KLK2: variants seen among roughly 807,000 people sequenced by gnomAD.
The protein encoded by KLK2 is kallikrein related peptidase 2.
KLK2 carries 17 observed loss-of-function variants against 23.0 expected under a neutral mutation model. The observed-to-expected ratio is 0.74, with a 90% CI of 0.51 to 1.11. KLK2 has a LOEUF of 1.11. Among genes scored for constraint, KLK2 ranks in the 50% least tolerant of loss-of-function variants. The pLI, the probability that KLK2 is intolerant of heterozygous loss-of-function variation, is 0.00. For synonymous variants in KLK2, 140 were observed against 124.7 expected (o/e 1.12, Z -0.82); for missense variants, 330 against 325.9 (o/e 1.01, Z -0.10).
chr19:50,878,006 T>C (rs2090306685), intron 4 of KLK2, among the ~76,000 whole-genome samples: 1 of 152,118 alleles, frequency 6.6e-6, no homozygotes, highest in South Asian at 2.1e-4. Context: ...CCCACGGCCC[T>C]CCATGGCTCC....
Position 50,878,729 on chromosome 19 carries a change from A to C in KLK2, c.*170A>C. 1.7e-6 allele frequency: 1 copy of C among 587,502 alleles called. No homozygotes were observed. The highest frequency in any genetic ancestry group is 3.0e-6 in the Non-Finnish European group (1 of 331,910). 36.4% of individuals were successfully genotyped at this position (587,502 alleles called of 1,614,324 possible). ...TTCTGGTGTGGAGTCCAGGGCTGCT[A>C]GGAAAAGGAATGGGCAGACACAGGT... is the stretch of plus-strand genomic sequence containing the variant. On this transcript the variant is annotated 3_prime_UTR_variant, in exon 5 of 5. Coordinates refer to ENST00000325321, the MANE Select transcript of KLK2 (RefSeq NM_005551.5).
At position 50,876,592 on chromosome 19, in the gene KLK2, A is replaced by G. The variant is rs1281418915; in HGVS notation, c.327A>G (p.Gln109=). 6.2e-7 allele frequency: 1 copy of G among 1,614,174 alleles called. No homozygotes were observed. Among genetic ancestry groups the G allele is most frequent in the Non-Finnish European group, 8.5e-7 (1 of 1,180,024 alleles). The stretch of plus-strand genomic sequence containing the variant: ...ACAATATGAGCCTTCTGAAGCATCA[A>G]AGCCTTAGACCAGATGAAGACTCCA... ...PLYNMSLLKH[Q]SLRPDEDSSH... Residue 109 remains glutamine (Q), a synonymous_variant, in exon 3 of 5, where the codon CAA becomes CAG. Coordinates refer to ENST00000325321, the MANE Select transcript of KLK2 (RefSeq NM_005551.5).
chr19:50,874,212 A>AAAAAC (rs56666952), intron 1 of KLK2: 12,905 of 153,054 alleles, frequency 0.084, 590 homozygotes, highest in African/African-American at 0.13. Flanking sequence ...TCAAAACCTC[A>AAAAAC]AAAACAAAAC....
At chr19:50,876,366 C>T in intron 2 of KLK2, 106 bp from the exon 3 acceptor site, 2 of 1,019,372 alleles carry the variant, frequency 2.0e-6, no homozygotes, top group Non-Finnish European at 2.9e-6. Flanking sequence ...CTGTGCTTTT[C>T]TCACTGTTTC....
intron 1 of KLK2, 129 bp downstream of exon 1, chr19:50,873,648 C>G (rs2090253417): frequency 4.6e-6 from 3 of 650,876 alleles, no homozygotes; most frequent in African/African-American, 3.7e-5. Flanking sequence ...GCCCCTGACT[C>G]TTCCACATTG....
intron 1 of KLK2, chr19:50,873,777 C>T (rs1568501877): frequency 3.8e-6 from 2 of 522,492 alleles, no homozygotes; most frequent in Non-Finnish European, 6.7e-6. Flanking sequence ...AGTTCCTGGG[C>T]ATCTCTGTGT....
intron 2 of KLK2, 72 bp from the exon 3 acceptor site, chr19:50,876,400 C>A: frequency 7.1e-7 from 1 of 1,407,238 alleles, no homozygotes; most frequent in Non-Finnish European, 1.0e-6. Flanking sequence ...TGGAGTCTCC[C>A]TTATCCTCCC....
Position 50,873,511 on chromosome 19 carries a change from G to A in KLK2, c.38G>A (p.Gly13Glu), listed in dbSNP as rs1394381927. The change falls in exon 1 of 5, where the codon GGG becomes GAG. Residue 13 changes from glycine to glutamate, a missense_variant. Gly to Glu is a moderately conservative substitution (Grantham distance 98). Coordinates refer to ENST00000325321, the MANE Select transcript of KLK2 (RefSeq NM_005551.5). ...GTTCTCTCCATCGCCTTGTCTGTGG[G>A]GTGCACTGGTGAGATTGGGGGGATA... ...DLVLSIALSV[G>E]CTGAVPLIQS... 4 of 1,595,102 alleles carry A rather than the reference G, an allele frequency of 2.5e-6. No individual in the cohort carries two copies. Among genetic ancestry groups the A allele is most frequent in the Non-Finnish European group, 3.4e-6 (4 of 1,167,202 alleles).
At chr19:50,873,792 C>G in intron 1 of KLK2, 1 of 509,370 alleles carries the variant, frequency 2.0e-6, no homozygotes, top group Non-Finnish European at 3.5e-6. Flanking sequence ...CTGTGTTTCT[C>G]TTTATGGGGT....
rs1383395534 is a variant in KLK2 at position 50,876,919 on chromosome 19, A to G, written c.541A>G (p.Asn181Asp). ...LQCVSLHLLS[N>D]DMCARAYSEK... ...GTGTGTGAGCCTCCATCTCCTGTCC[A>G]ATGACATGTGTGCTAGAGCTTACTC... The change falls in exon 4 of 5, where the codon AAT becomes GAT. Residue 181 changes from asparagine (N) to aspartate (D), a missense_variant. By Grantham distance (23) the Asn-to-Asp change is conservative. Coordinates refer to ENST00000325321, the MANE Select transcript of KLK2 (RefSeq NM_005551.5). The G allele has an allele frequency of 1.2e-6, 2 of 1,614,118 alleles. No individual in the cohort carries two copies.
chr19:50,874,866 C>G lies in KLK2; in HGVS notation c.192C>G (p.Ala64=). 2 of 1,612,868 alleles carry G rather than the reference C, an allele frequency of 1.2e-6. No homozygotes were observed. Among genetic ancestry groups the G allele is most frequent in the Non-Finnish European group, 8.5e-7 (1 of 1,179,278 alleles). The change falls in exon 2 of 5, where the codon GCC becomes GCG. Residue 64 remains alanine (A), a synonymous_variant. Transcript: ENST00000325321. ...LVHPQWVLTA[A]HCLKKNSQVW... ...ACCCCCAGTGGGTGCTCACAGCTGCCCATTGCCTAAAGAAGTAAGTAGGAC... is the reference window on the plus strand; with the variant it reads ...ACCCCCAGTGGGTGCTCACAGCTGCGCATTGCCTAAAGAAGTAAGTAGGAC...
At chr19:50,875,177 G>T in intron 2 of KLK2, 1 of 256,796 alleles carries the variant, frequency 3.9e-6, no homozygotes, top group Non-Finnish European at 7.3e-6. Flanking sequence ...CTGTGTCTGT[G>T]TCTCCCCCGT....
rs267605601 is a variant in KLK2, at chr19:50,876,619, C to T, written c.354C>T (p.Ser118=). The change falls in exon 3 of 5, where the codon AGC becomes AGT. Residue 118 remains serine (S), a synonymous_variant. Coordinates refer to ENST00000325321, the MANE Select transcript of KLK2 (RefSeq NM_005551.5). ...HQSLRPDEDS[S]HDLMLLRLSE... ...GCCTTAGACCAGATGAAGACTCCAG[C>T]CATGACCTCATGCTGCTCCGCCTGT... is the stretch of plus-strand genomic sequence containing the variant. The T allele has an allele frequency of 6.2e-7, 1 of 1,614,216 alleles. No homozygotes were observed. Among genetic ancestry groups the T allele is most frequent in the Non-Finnish European group, 8.5e-7 (1 of 1,180,044 alleles).
rs199562567 is a variant in KLK2, at chr19:50,879,810, G to T, written c.*1251G>T. The T allele has an allele frequency of 1.2e-4, 27 of 230,280 alleles. No individual in the cohort carries two copies. In the East Asian group the frequency reaches 1.7e-3, roughly 14 times the overall value. 14.3% of individuals were successfully genotyped at this position (230,280 alleles called of 1,614,324 possible). A position where few individuals can be genotyped will look rare whatever the true frequency, so the allele number is the denominator to read the frequency against. On this transcript the variant is annotated 3_prime_UTR_variant, in exon 5 of 5. Coordinates refer to ENST00000325321, the MANE Select transcript of KLK2 (RefSeq NM_005551.5). ...CCAAGTATATCAAGGCACTTGGGCA[G>T]AACATGCCAAGGAATCAAATGTCAT...
At chr19:50,878,200 A>G (rs543907179) in intron 4 of KLK2, among the ~76,000 whole-genome samples, 1 of 152,208 alleles carries the variant, frequency 6.6e-6, no homozygotes, top group East Asian at 1.9e-4. Context: ...TCCCCTCCCC[A>G]TAGGCCAAGA....
chr19:50,874,843 C>T lies in KLK2; in HGVS notation c.169C>T (p.Pro57Ser). The change falls in exon 2 of 5, where the codon CCC becomes TCC. Residue 57 changes from proline (P) to serine (S), a missense_variant. Transcript: ENST00000325321. ...WAHCGGVLVH[P>S]QWVLTAAHCL... ...ACACTGTGGGGGTGTCCTGGTGCAC[C>T]CCCAGTGGGTGCTCACAGCTGCCCA... The T allele has an allele frequency of 1.9e-6, 3 of 1,613,178 alleles. No individual in the cohort carries two copies. Among genetic ancestry groups the T allele is most frequent in the Non-Finnish European group, 1.7e-6 (2 of 1,179,426 alleles).
Position 50,874,729 on chromosome 19 carries a change from C to T in KLK2, c.55C>T (p.Pro19Ser). The change falls in exon 2 of 5, where the codon CCC becomes TCC. Residue 19 changes from proline (P) to serine (S), a missense_variant. By Grantham distance (74) the Pro-to-Ser change is moderately conservative (BLOSUM62 -1). Transcript: ENST00000325321. Reference protein sequence around the residue: ...ALSVGCTGAVPLIQSRIVGGW... With the variant: ...ALSVGCTGAVSLIQSRIVGGW... ...CAGCACCCCCTCCGCAGGTGCCGTG[C>T]CCCTCATCCAGTCTCGGATTGTGGG... The T allele has an allele frequency of 6.2e-7, 1 of 1,610,464 alleles. No individual in the cohort carries two copies. Among genetic ancestry groups the T allele is most frequent in the Non-Finnish European group, 8.5e-7 (1 of 1,178,678 alleles).
intron 1 of KLK2, 173 bp from the exon 2 acceptor site, chr19:50,874,548 G>A (rs2090262832): frequency 3.6e-6 from 2 of 551,090 alleles, no homozygotes; most frequent in South Asian, 2.6e-5. Context: ...CCACCAACCC[G>A]CTAACGCAGG....
intron 4 of KLK2, chr19:50,877,247 C>T: frequency 1.7e-6 from 1 of 584,118 alleles, no homozygotes; most frequent in Non-Finnish European, 3.1e-6. Flanking sequence ...TACTGGGCAC[C>T]TGCTACGTGA....
Sources: allele counts gnomAD v4.1 joint callset (sites outside exome capture counted in the v4.1 genomes callset), GRCh38; gene constraint gnomAD v4.1.1; transcripts MANE v1.5; gene names NCBI Gene and HGNC (gene_info 2026-07-23, HGNC 2026-07-21).